Variants in SH2D3C observed in about 807,000 individuals in gnomAD.
SH2D3C encodes the protein SH2 domain containing 3C, also known as SH2 domain-containing protein 3C.
Under a neutral mutation model 75.2 loss-of-function variants are expected in SH2D3C, and 25 were observed. That is an observed-to-expected ratio of 0.33 (90% CI 0.24 to 0.46). The LOEUF (loss-of-function observed/expected upper bound fraction) is 0.46. SH2D3C is among the 20% of genes least tolerant of loss of function. The pLI is 1.00. For missense variants in SH2D3C, 933 were observed against 1,165.3 expected (o/e 0.80, Z 2.90); for synonymous variants, 450 against 473.7 (o/e 0.95, Z 0.65).
At position 127,745,447 on chromosome 9, in the gene SH2D3C, A is replaced by G. The variant is rs551396003; in HGVS notation, c.1265-348T>C. 8.2e-4 allele frequency among the ~76,000 whole-genome samples: 119 copies of G among 144,756 alleles called. 2 individuals are homozygous for G. Among genetic ancestry groups the G allele is most frequent in the Middle Eastern group, 3.6e-3 (1 of 276 alleles). 95.0% of individuals were successfully genotyped at this position (144,756 alleles called of 152,430 possible). A position where few individuals can be genotyped will look rare whatever the true frequency, so the allele number is the denominator to read the frequency against. The stretch of plus-strand genomic sequence containing the variant: ...ATTGTTTCTCGACGAATTAGCAATA[A>G]TGATTTCCTTTTTTTTTTTTTTTTT... On this transcript the variant is annotated intron_variant, in intron 6 of 11. Coordinates refer to ENST00000314830, the MANE Select transcript of SH2D3C (RefSeq NM_170600.3).
Position 127,764,284 on chromosome 9 carries a change from G to T in SH2D3C, c.516-2634C>A, listed in dbSNP as rs150916496. 4.5e-3 allele frequency among the ~76,000 whole-genome samples: 683 copies of T among 152,188 alleles called. 4 individuals carry two copies. The highest frequency in any genetic ancestry group is 0.015 in the African/African-American group (633 of 41,508). On this transcript the variant is annotated intron_variant, in intron 2 of 11. Coordinates refer to ENST00000314830, the MANE Select transcript of SH2D3C (RefSeq NM_170600.3). ...CTTTCACCCCATGGCCTCACCATGG[G>T]GTGGCGCTACAACACTCTGACATGT... is the stretch of plus-strand genomic sequence containing the variant.
At chr9:127,753,517 T>A (rs1273930049) in intron 3 of SH2D3C, among the ~76,000 whole-genome samples, 1 of 152,046 alleles carries the variant, frequency 6.6e-6, no homozygotes, top group Non-Finnish European at 1.5e-5. Context: ...GAGTGGGAAT[T>A]CTGCACATCC....
At chr9:127,773,876 C>G (rs954349781) in intron 2 of SH2D3C, 114 bp downstream of exon 2, 2 of 654,482 alleles carry the variant, frequency 3.1e-6, no homozygotes, top group Non-Finnish European at 5.2e-6. Flanking sequence ...CGGGATCACA[C>G]CACTGCACTC....
At chr9:127,750,158 G>GTTA (rs563771370) in intron 4 of SH2D3C, among the ~76,000 whole-genome samples, 9,365 of 148,648 alleles carry the variant, frequency 0.063, 598 homozygotes, top group African/African-American at 0.17. Context: ...TATTATTATT[G>GTTA]TTATTATTAT....
chr9:127,765,522 T>C (rs1179743514), intron 2 of SH2D3C, among the ~76,000 whole-genome samples: 3 of 152,148 alleles, frequency 2.0e-5, no homozygotes, highest in Non-Finnish European at 4.4e-5. Flanking sequence ...TGACCCAGCC[T>C]CTGCTGGTCA....
chr9:127,742,147 C>T (rs1006825842), intron 8 of SH2D3C, among the ~76,000 whole-genome samples, 188 bp from the exon 9 acceptor site: 1 of 152,086 alleles, frequency 6.6e-6, no homozygotes, highest in Non-Finnish European at 1.5e-5. Flanking sequence ...TCTGATTGGT[C>T]AGCATAAATC....
chr9:127,757,103 ATTTTTTT>A (rs1169901282), intron 3 of SH2D3C, among the ~76,000 whole-genome samples: 17 of 122,668 alleles, frequency 1.4e-4, no homozygotes, highest in African/African-American at 4.1e-4. Context: ...TGCTTGGCTA[ATTTTTTT>A]TTTTTTTTTT....
chr9:127,749,618 G>C lies in SH2D3C; in HGVS notation c.732C>G (p.Asp244Glu). Residue 244 changes from aspartate (D) to glutamate (E), a missense_variant, in exon 5 of 12, where the codon GAC becomes GAG. By Grantham distance (45) the Asp-to-Glu change is conservative. Transcript: ENST00000314830. The surrounding 1 kb of genome is among the most constrained non-coding windows in gnomAD (Gnocchi z 5.9). ...VQRNGDFLIR[D>E]SLTSLGDYVL... is the part of the protein sequence containing the mutation. ...CATAGTCGCCCAGGCTGGTGAGTGA[G>C]TCCCGGATGAGGAAGTCGCCGTTGC... is the stretch of plus-strand genomic sequence containing the variant. The C allele has an allele frequency of 6.3e-7, 1 of 1,588,890 alleles. No individual in the cohort carries two copies. Among genetic ancestry groups the C allele is most frequent in the Non-Finnish European group, 8.6e-7 (1 of 1,168,844 alleles).
intron 2 of SH2D3C, among the ~76,000 whole-genome samples, chr9:127,766,592 T>C (rs983724605): frequency 1.3e-5 from 2 of 152,148 alleles, no homozygotes; most frequent in African/African-American, 2.4e-5. Context: ...TGTTTTGAGA[T>C]GGAGTCTTGC....
chr9:127,759,898 G>T (rs1002331610), intron 3 of SH2D3C, among the ~76,000 whole-genome samples: 2 of 151,848 alleles, frequency 1.3e-5, no homozygotes, highest in Non-Finnish European at 2.9e-5. Flanking sequence ...CAGGAGAATG[G>T]TGTGAACCCG....
chr9:127,756,437 G>T (rs60442601), intron 3 of SH2D3C, among the ~76,000 whole-genome samples: 9,250 of 152,228 alleles, frequency 0.061, 612 homozygotes, highest in African/African-American at 0.17. Flanking sequence ...GACCGCAGGT[G>T]GGTGAGTCCA....
At chr9:127,757,630 G>T (rs62587179) in intron 3 of SH2D3C, among the ~76,000 whole-genome samples, 4,572 of 75,928 alleles carry the variant, frequency 0.06, 183 homozygotes, top group African/African-American at 0.15. Flanking sequence ...TGATGATGAT[G>T]ATGATGATGA....
chr9:127,773,904 C>T lies in SH2D3C; in HGVS notation c.515+86G>A, dbSNP rs147891753. 342 of 774,438 alleles carry T rather than the reference C, an allele frequency of 4.4e-4. 1 individual carries two copies. In the East Asian group the frequency reaches 7.9e-3, roughly 18 times the overall value. 48.0% of individuals were successfully genotyped at this position (774,438 alleles called of 1,614,324 possible). ...CTGCACTCCAGCCTGAGAGACAGAG[C>T]GACACTCTGTGTCAAAAAAAAAAAA... On this transcript the variant is annotated intron_variant, in intron 2 of 11. Coordinates refer to ENST00000314830, the MANE Select transcript of SH2D3C (RefSeq NM_170600.3).
chr9:127,751,185 C>A lies in SH2D3C; in HGVS notation c.671G>T (p.Arg224Leu). The change falls in exon 4 of 12, where the codon CGC (arginine) becomes CTC (leucine). Residue 224 changes from arginine (R) to leucine (L), a missense_variant. By Grantham distance (102) the Arg-to-Leu change is moderately radical. Coordinates refer to ENST00000314830, the MANE Select transcript of SH2D3C (RefSeq NM_170600.3). The surrounding 1 kb of genome is among the most constrained non-coding windows in gnomAD (Gnocchi z 4.1). ...GGGCCTACTCACCTCTCGGGGGATG[C>A]GGCCATGGTACCAGGCATGGCTGCG... ...DLRSHAWYHG[R>L]IPREVSETLV... The A allele has an allele frequency of 1.2e-6, 2 of 1,613,850 alleles. No homozygotes were observed. The highest frequency in any genetic ancestry group is 2.2e-5 in the East Asian group (1 of 44,886).
rs970002512 is a variant in SH2D3C, at chr9:127,750,158, G to A, written c.685-493C>T. On this transcript the variant is annotated intron_variant, in intron 4 of 11. Coordinates refer to ENST00000314830, the MANE Select transcript of SH2D3C (RefSeq NM_170600.3). ...GAACTTCTTTATTATTATTATTATT[G>A]TTATTATTATTATTATTATTATTAA... Among the ~76,000 whole-genome samples the A allele has an allele frequency of 6.1e-5, 9 of 148,706 alleles. 1 individual carries two copies. In the Middle Eastern group the frequency reaches 0.011, roughly 177 times the overall value.
At chr9:127,767,270 A>G (rs925860409) in intron 2 of SH2D3C, 2 of 1,452,430 alleles carry the variant, frequency 1.4e-6, no homozygotes, top group African/African-American at 2.8e-5. Flanking sequence ...AAGTCTCAAA[A>G]CCTGCCAAAG....
chr9:127,739,073 C>T lies in SH2D3C; in HGVS notation c.2408-152G>A. ...TCAACACGACCCTGTAGTTTAGCAT[C>T]TTTGTCCTGTTATTTGCAGCATATA... On this transcript the variant is annotated intron_variant, in intron 11 of 11. Transcript: ENST00000314830. This position sits in a 1 kb window ranked among gnomAD's most constrained non-coding sequence, Gnocchi z 4.3. 1.8e-6 allele frequency: 1 copy of T among 543,466 alleles called. No individual in the cohort carries two copies. The highest frequency in any genetic ancestry group is 3.0e-6 in the Non-Finnish European group (1 of 331,568). 33.7% of individuals were successfully genotyped at this position (543,466 alleles called of 1,614,324 possible). A position where few individuals can be genotyped will look rare whatever the true frequency, so the allele number is the denominator to read the frequency against.
intron 6 of SH2D3C, 114 bp from the exon 7 acceptor site, chr9:127,745,213 G>GGGGAC: frequency 1.2e-5 from 10 of 835,422 alleles, no homozygotes; most frequent in East Asian, 3.0e-5. Flanking sequence ...GTACAGAGGT[G>GGGGAC]ATGTCCCCAC....
chr9:127,766,371 C>T (rs553821957), intron 2 of SH2D3C, among the ~76,000 whole-genome samples: 3 of 152,342 alleles, frequency 2.0e-5, no homozygotes, highest in East Asian at 1.9e-4. Flanking sequence ...AGCTCAACTT[C>T]GTCATCTGTA....
Sources: allele counts gnomAD v4.1 joint callset (sites outside exome capture counted in the v4.1 genomes callset), GRCh38; gene constraint gnomAD v4.1.1; non-coding constraint Gnocchi (gnomAD v3.1); transcripts MANE v1.5; gene names NCBI Gene and HGNC (gene_info 2026-07-23, HGNC 2026-07-21).